ANKMY1: variants seen among roughly 807,000 people sequenced by gnomAD.
The protein encoded by ANKMY1 is ankyrin repeat and MYND domain containing 1, also known as ankyrin repeat and MYND domain-containing protein 1.
In ANKMY1, 98 loss-of-function variants were observed where a neutral mutation model predicts 102.0. That is an observed-to-expected ratio of 0.96 (90% CI 0.82 to 1.14). The LOEUF is 1.14. Among genes scored for constraint, ANKMY1 ranks in the 50% most tolerant of loss-of-function variants. ANKMY1 has a pLI of 0.00. For synonymous variants in ANKMY1, 582 were observed against 559.9 expected (o/e 1.04, Z -0.56); for missense variants, 1,330 against 1,347.6 (o/e 0.99, Z 0.20).
At chr2:240,559,269 G>T (rs973373236), upstream of ANKMY1, among the ~76,000 whole-genome samples, 1 of 152,192 alleles carries the variant, frequency 6.6e-6, no homozygotes, top group African/African-American at 2.4e-5. Flanking sequence ...CAACCGTAAA[G>T]GGTGATGATG....
At chr2:240,480,868 AC>A in intron 17 of ANKMY1, 68 bp downstream of exon 17, 3 of 1,522,290 alleles carry the variant, frequency 2.0e-6, no homozygotes, top group Non-Finnish European at 1.8e-6. Flanking sequence ...CCTCACCAGC[AC>A]CCCAGGCCTG....
At chr2:240,523,787 G>T in intron 8 of ANKMY1, 98 bp downstream of exon 8, 1 of 1,488,716 alleles carries the variant, frequency 6.7e-7, no homozygotes. Context: ...CAGACACAAC[G>T]CCTCCCACTG....
At chr2:240,512,023 G>A (rs761522254) in intron 10 of ANKMY1, 22 bp from the exon 11 acceptor site, 38 of 1,519,082 alleles carry the variant, frequency 2.5e-5, no homozygotes, top group Non-Finnish European at 3.1e-5. Context: ...GGAGGGCTCC[G>A]CCAGCGCCCA....
In ANKMY1 at chr2:240,529,507, C is replaced by G; in HGVS notation, c.483G>C (p.Gly161=). The part of the protein sequence containing the change: ...TMYMKTRLFQ[G]LYKADQRFGP... ...CAAACCGCTGGTCCGCTTTGTATAG[C>G]CCCTGCCAAGGAAGCGCAATAGACC... The change falls in exon 5 of 18, where the codon GGG becomes GGC. Residue 161 remains glycine (G), a splice_region_variant and synonymous_variant. Coordinates refer to ENST00000401804, the MANE Select transcript of ANKMY1 (RefSeq NM_001282771.3). The surrounding 1 kb of genome is among the most constrained non-coding windows in gnomAD (Gnocchi z 4.2). The G allele has an allele frequency of 6.2e-7, 1 of 1,608,944 alleles. No individual in the cohort carries two copies. The highest frequency in any genetic ancestry group is 8.5e-7 in the Non-Finnish European group (1 of 1,177,072).
chr2:240,476,279 G>T (rs544310148), downstream of ANKMY1, among the ~76,000 whole-genome samples: 3 of 152,128 alleles, frequency 2.0e-5, no homozygotes, highest in Non-Finnish European at 4.4e-5. Flanking sequence ...TTGGAAAGTC[G>T]GATATGTACA....
At chr2:240,476,916 G>T (rs1023233432), downstream of ANKMY1, among the ~76,000 whole-genome samples, 1 of 152,168 alleles carries the variant, frequency 6.6e-6, no homozygotes, top group African/African-American at 2.4e-5. Context: ...AAACTTCCAC[G>T]TGCAAACTGC....
chr2:240,559,207 T>C (rs1312187107), upstream of ANKMY1, among the ~76,000 whole-genome samples: 1 of 152,118 alleles, frequency 6.6e-6, no homozygotes, highest in Non-Finnish European at 1.5e-5. Flanking sequence ...AGTGGGAGCA[T>C]GATGGTTCAA....
At chr2:240,547,037 C>T (rs2124937813) in intron 4 of ANKMY1, among the ~76,000 whole-genome samples, 1 of 152,274 alleles carries the variant, frequency 6.6e-6, no homozygotes, top group African/African-American at 2.4e-5. Flanking sequence ...GAACTCTCCA[C>T]CCCAAATCAA....
Position 240,528,262 on chromosome 2 carries a change from G to A in ANKMY1, c.953+775C>T, listed in dbSNP as rs574866650. 3.9e-4 allele frequency among the ~76,000 whole-genome samples: 59 copies of A among 151,894 alleles called. 1 individual carries two copies. Among genetic ancestry groups the A allele is most frequent in the East Asian group, 2.9e-3 (15 of 5,148 alleles). On this transcript the variant is annotated intron_variant, in intron 5 of 17. Transcript: ENST00000401804. Reference sequence around the variant, plus strand: ...GATCACGCCACGGCACTCCAGCCTCGGTGACAGAGTGAGACTCTGTGCCTG... The same window carrying A: ...GATCACGCCACGGCACTCCAGCCTCAGTGACAGAGTGAGACTCTGTGCCTG...
intron 4 of ANKMY1, among the ~76,000 whole-genome samples, chr2:240,551,151 TG>T (rs1012000460): frequency 7.8e-5 from 11 of 140,214 alleles, no homozygotes; most frequent in African/African-American, 2.6e-4. Flanking sequence ...ATGCTTTTTA[TG>T]TTTTTTTTTT....
chr2:240,532,989 TG>T (rs2085807823), intron 4 of ANKMY1, among the ~76,000 whole-genome samples: 1 of 152,248 alleles, frequency 6.6e-6, no homozygotes, highest in Admixed American at 6.5e-5. Flanking sequence ...ATTACAGGCA[TG>T]GGCCCCCACA....
chr2:240,469,485 C>T, the ANKMY1 span, among the ~76,000 whole-genome samples: 9 of 152,210 alleles, frequency 5.9e-5, no homozygotes, highest in Admixed American at 2.0e-4. Flanking sequence ...CTGACCCACC[C>T]ACACTGATGG....
Position 240,554,998 on chromosome 2 carries a change from C to A in ANKMY1, c.204G>T (p.Ala68=). 6.2e-7 allele frequency: 1 copy of A among 1,614,192 alleles called. No homozygotes were observed. Among genetic ancestry groups the A allele is most frequent in the African/African-American group, 1.3e-5 (1 of 75,064 alleles). Residue 68 remains alanine (A), a synonymous_variant, in exon 3 of 18, where the codon GCG becomes GCT. Transcript: ENST00000401804. ...GGATGTAGGACTCCCTCAGGTCCTG[C>A]GCCCTCAGCGGGCCCTCAGCTTCCT... ...EEEEAEGPLR[A]QDLRESYIQL...
At position 240,480,976 on chromosome 2, in the gene ANKMY1, C is replaced by G. The variant is rs773858255; in HGVS notation, c.3007G>C (p.Glu1003Gln). 2.5e-6 allele frequency: 4 copies of G among 1,612,906 alleles called. No homozygotes were observed. The African/African-American group carries it at 5.3e-5, about 22-fold the overall frequency. Residue 1003 changes from glutamate (E) to glutamine (Q), a missense_variant, in exon 17 of 18, where the codon GAG becomes CAG. By Grantham distance (29) the Glu-to-Gln change is conservative. Transcript: ENST00000401804. ...TCCCCGCAGTCCTTCTTGTGGAACT[C>G]GGTCCAGGCCTTGGTCTTGCAGTAC... The part of the protein sequence containing the change: ...SKYCKTKAWT[E>Q]FHKKDCGDLV...
At chr2:240,536,114 G>C (rs996966970) in intron 4 of ANKMY1, among the ~76,000 whole-genome samples, 1 of 152,060 alleles carries the variant, frequency 6.6e-6, no homozygotes. Flanking sequence ...ACCATGGGTC[G>C]AGAGGAAATC....
At chr2:240,521,935 A>G (rs1283766019) in intron 8 of ANKMY1, 1 of 152,242 alleles carries the variant, frequency 6.6e-6, no homozygotes, top group South Asian at 2.1e-4. Flanking sequence ...GCGGACCAAA[A>G]AGTGAGCAGC....
intron 4 of ANKMY1, among the ~76,000 whole-genome samples, chr2:240,541,257 CA>C: frequency 6.6e-6 from 1 of 152,124 alleles, no homozygotes. Flanking sequence ...GCAGGGTGAC[CA>C]AGCCCAATCC....
chr2:240,511,789 G>T, intron 11 of ANKMY1, 72 bp downstream of exon 11: 1 of 1,482,484 alleles, frequency 6.7e-7, no homozygotes, highest in Non-Finnish European at 8.9e-7. Flanking sequence ...TGCTTCCGGG[G>T]GCACAAGGCC....
intron 4 of ANKMY1, among the ~76,000 whole-genome samples, chr2:240,538,788 C>A (rs1198957308): frequency 6.6e-6 from 1 of 152,206 alleles, no homozygotes; most frequent in Non-Finnish European, 1.5e-5. Context: ...ATTGTAAATG[C>A]ACCAGTCAGC....
Sources: allele counts gnomAD v4.1 joint callset (sites outside exome capture counted in the v4.1 genomes callset), GRCh38; gene constraint gnomAD v4.1.1; non-coding constraint Gnocchi (gnomAD v3.1); transcripts MANE v1.5; gene names NCBI Gene and HGNC (gene_info 2026-07-23, HGNC 2026-07-21).